Variants in LRRC7 observed in about 807,000 individuals in gnomAD.
LRRC7 encodes leucine rich repeat containing 7, also known as leucine-rich repeat-containing protein 7.
A neutral mutation model predicts 175.7 loss-of-function variants in LRRC7; 23 were observed. That is an observed-to-expected ratio of 0.13 (90% CI 0.09 to 0.19). The LOEUF (loss-of-function observed/expected upper bound fraction) is 0.19. Ranked by LOEUF, LRRC7 falls within the 10% of genes least tolerant of loss-of-function variation. The pLI is 1.00. For synonymous variants in LRRC7, 685 were observed against 680.9 expected (o/e 1.01, Z -0.09); for missense variants, 1,354 against 1,904.7 (o/e 0.71, Z 5.38).
At chr1:69,843,269 T>C (rs1681946002) in intron 7 of LRRC7, among the ~76,000 whole-genome samples, 1 of 152,066 alleles carries the variant, frequency 6.6e-6, no homozygotes, top group Admixed American at 6.6e-5. Flanking sequence ...ATTTTAGGAA[T>C]CAAATTTGTC....
intron 1 of LRRC7, among the ~76,000 whole-genome samples, chr1:69,601,761 A>G (rs1418567185): frequency 6.6e-6 from 1 of 152,164 alleles, no homozygotes; most frequent in Admixed American, 6.5e-5. Context: ...CTTTTATACT[A>G]TTCCCTTTTT....
At chr1:69,571,076 T>C (rs927524709) in intron 1 of LRRC7, among the ~76,000 whole-genome samples, 2 of 152,242 alleles carry the variant, frequency 1.3e-5, no homozygotes, top group African/African-American at 2.4e-5. Context: ...TACTAATATG[T>C]AATGATAAGA....
intron 4 of LRRC7, among the ~76,000 whole-genome samples, chr1:69,792,396 A>G (rs1469999533): frequency 6.6e-6 from 1 of 151,992 alleles, no homozygotes; most frequent in East Asian, 1.9e-4. Flanking sequence ...GCATTCAGAC[A>G]TGTGATCTAA....
intron 7 of LRRC7, among the ~76,000 whole-genome samples, chr1:69,890,312 A>C (rs6424607): frequency 0.56 from 84,419 of 152,064 alleles, 23,498 homozygotes; most frequent in East Asian, 0.7. Flanking sequence ...TAATCTTGTA[A>C]ATCTCCTTGG....
chr1:69,732,824 T>G lies in LRRC7; in HGVS notation c.101-27367T>G, dbSNP rs1023429438. Among the ~76,000 whole-genome samples, 6 of 152,162 alleles carry G rather than the reference T, an allele frequency of 3.9e-5. No homozygotes were observed. In the East Asian group the frequency reaches 7.7e-4, roughly 20 times the overall value. Reference sequence around the variant, plus strand: ...AACTGACACACTTTTATGAAGATACTTCAATAGAGTAAACCACTTTAACAC... The same window carrying G: ...AACTGACACACTTTTATGAAGATACGTCAATAGAGTAAACCACTTTAACAC... On this transcript the variant is annotated intron_variant, in intron 2 of 26. Coordinates refer to ENST00000651989, the MANE Select transcript of LRRC7 (RefSeq NM_001370785.2).
At chr1:69,775,649 A>G (rs1160637374) in intron 3 of LRRC7, among the ~76,000 whole-genome samples, 1 of 152,242 alleles carries the variant, frequency 6.6e-6, no homozygotes, top group Non-Finnish European at 1.5e-5. Context: ...GGAGAGCTAT[A>G]TAAGGCCAGG....
Position 69,615,171 on chromosome 1 carries a change from TC to T in LRRC7, c.2+46533del, listed in dbSNP as rs149320322. ...ACTTATGTAGGAAACACTCTTAACC[TC>T]CCTCTCCCTTGCCACTTCCATTTAG... On this transcript the variant is annotated intron_variant, in intron 1 of 26. Transcript: ENST00000651989. Among the ~76,000 whole-genome samples the T allele has an allele frequency of 3.0e-3, 459 of 152,134 alleles. 4 individuals carry two copies. Among genetic ancestry groups the T allele is most frequent in the African/African-American group, 0.011 (439 of 41,534 alleles).
chr1:69,820,028 A>G lies in LRRC7; in HGVS notation c.422-5720A>G, dbSNP rs777897272. ...TAGATTATTTAGCCTATTTACATTT[A>G]AAATAATTATTGATAGGTAAGGACT... On this transcript the variant is annotated intron_variant, in intron 4 of 26. Coordinates refer to ENST00000651989, the MANE Select transcript of LRRC7 (RefSeq NM_001370785.2). Among the ~76,000 whole-genome samples, 114 of 152,198 alleles carry G rather than the reference A, an allele frequency of 7.5e-4. 2 individuals carry two copies. Among genetic ancestry groups the G allele is most frequent in the South Asian group, 4.1e-3 (20 of 4,828 alleles).
At chr1:69,939,409 G>C (rs537253893) in intron 8 of LRRC7, among the ~76,000 whole-genome samples, 2 of 152,074 alleles carry the variant, frequency 1.3e-5, no homozygotes, top group African/African-American at 4.8e-5. Context: ...CTGAATTCTA[G>C]TGTCACCACA....
intron 4 of LRRC7, among the ~76,000 whole-genome samples, chr1:69,806,480 C>A (rs898137298): frequency 2.0e-5 from 3 of 151,904 alleles, no homozygotes; most frequent in South Asian, 4.1e-4. Context: ...CTATTGATTA[C>A]CAGCATTTGG....
At chr1:69,788,119 C>T (rs1674700772) in intron 3 of LRRC7, among the ~76,000 whole-genome samples, 1 of 152,096 alleles carries the variant, frequency 6.6e-6, no homozygotes, top group Admixed American at 6.6e-5. Context: ...TGGGGGTGGT[C>T]TCTAAGCCAA....
chr1:70,043,832 T>C (rs1660116214), intron 21 of LRRC7, 122 bp from the exon 22 acceptor site: 7 of 1,173,846 alleles, frequency 6.0e-6, no homozygotes, highest in Admixed American at 2.3e-5. Context: ...TGCATGTTTT[T>C]TTAAAAAGTT....
chr1:69,720,995 C>T (rs1472638337), intron 2 of LRRC7, among the ~76,000 whole-genome samples: 1 of 151,784 alleles, frequency 6.6e-6, no homozygotes, highest in Non-Finnish European at 1.5e-5. Flanking sequence ...TATATGTCAA[C>T]TAGTACAGAC....
chr1:69,610,432 C>A (rs535660712), intron 1 of LRRC7, among the ~76,000 whole-genome samples: 2 of 151,946 alleles, frequency 1.3e-5, no homozygotes, highest in African/African-American at 4.8e-5. Flanking sequence ...GGCACATGTC[C>A]TTTAGTCTGT....
intron 1 of LRRC7, among the ~76,000 whole-genome samples, chr1:69,603,794 T>C (rs1219171502): frequency 6.6e-6 from 1 of 152,110 alleles, no homozygotes; most frequent in African/African-American, 2.4e-5. Flanking sequence ...TCTTTTAAAT[T>C]TATTTTATAT....
At chr1:69,884,820 C>A (rs1687003783) in intron 7 of LRRC7, among the ~76,000 whole-genome samples, 1 of 144,614 alleles carries the variant, frequency 6.9e-6, no homozygotes, top group East Asian at 2.1e-4. Context: ...GAATTTTTAG[C>A]ATGAAGGGTT....
chr1:69,999,492 C>T (rs1655318749), intron 11 of LRRC7, among the ~76,000 whole-genome samples: 1 of 151,972 alleles, frequency 6.6e-6, no homozygotes, highest in African/African-American at 2.4e-5. Context: ...TTGAAAGACC[C>T]GATAAAACTT....
chr1:69,985,009 G>C (rs1437799624), intron 9 of LRRC7, among the ~76,000 whole-genome samples: 1 of 152,180 alleles, frequency 6.6e-6, no homozygotes, highest in African/African-American at 2.4e-5. Context: ...GGCACGTGCT[G>C]TTCTCCCTTC....
chr1:69,746,175 A>G (rs886128997), intron 2 of LRRC7, among the ~76,000 whole-genome samples: 1 of 152,000 alleles, frequency 6.6e-6, no homozygotes, highest in Non-Finnish European at 1.5e-5. Context: ...CCATGTTAAC[A>G]TAAAGTGCTC....
Sources: gnomAD v4.1 joint callset for allele counts (sites outside exome capture counted in the v4.1 genomes callset) on GRCh38, gnomAD v4.1.1 for gene constraint, MANE v1.5 for transcripts, NCBI Gene and HGNC (gene_info 2026-07-23, HGNC 2026-07-21) for gene names.